Variants in DLGAP2 observed in about 807,000 individuals in gnomAD.
The protein encoded by DLGAP2 is disks large-associated protein 2.
DLGAP2 carries 26 observed loss-of-function variants against 100.3 expected under a neutral mutation model. The observed-to-expected ratio is 0.26, with a 90% CI of 0.19 to 0.36. DLGAP2 has a LOEUF of 0.36. Among genes scored for constraint, DLGAP2 ranks in the 10% least tolerant of loss-of-function variants. The probability of loss-of-function intolerance (pLI) is 1.00; values close to 1 mark genes in which losing one functional copy is unlikely to be tolerated. For missense variants in DLGAP2, 1,858 were observed against 1,453.2 expected (o/e 1.28, Z -4.53); for synonymous variants, 886 against 630.1 (o/e 1.41, Z -6.08).
At chr8:1,179,353 TGG>T in intron 2 of DLGAP2, among the ~76,000 whole-genome samples, 1 of 152,136 alleles carries the variant, frequency 6.6e-6, no homozygotes, top group East Asian at 1.9e-4. Context: ...GCTGAGGCTG[TGG>T]GTGGAGGGAG....
chr8:797,678 G>T (rs989371180), intron 1 of DLGAP2, among the ~76,000 whole-genome samples: 3 of 152,192 alleles, frequency 2.0e-5, no homozygotes, highest in Non-Finnish European at 4.4e-5. Flanking sequence ...ACCAGGCAGG[G>T]CTGGGAGCTC....
At chr8:1,071,018 A>G (rs963995240) in intron 2 of DLGAP2, among the ~76,000 whole-genome samples, 2 of 152,110 alleles carry the variant, frequency 1.3e-5, no homozygotes, top group Non-Finnish European at 2.9e-5. Flanking sequence ...GCTGTGGATG[A>G]GATTCAGCGC....
chr8:759,102 C>A (rs1585832261), intron 1 of DLGAP2, among the ~76,000 whole-genome samples: 1 of 100,696 alleles, frequency 9.9e-6, no homozygotes, highest in African/African-American at 3.1e-5. Context: ...GTTATCAATA[C>A]CCCCGACAGC....
At chr8:770,240 A>C (rs1356159704) in intron 1 of DLGAP2, among the ~76,000 whole-genome samples, 1 of 152,114 alleles carries the variant, frequency 6.6e-6, no homozygotes, top group Non-Finnish European at 1.5e-5. Flanking sequence ...TCATCTCGTC[A>C]GGGGTGAGGG....
At chr8:1,434,837 C>T (rs947722688) in intron 3 of DLGAP2, among the ~76,000 whole-genome samples, 12 of 152,136 alleles carry the variant, frequency 7.9e-5, no homozygotes, top group Non-Finnish European at 1.5e-5. Flanking sequence ...ATTATCGTTC[C>T]TTCCTCCTCC....
At chr8:930,955 C>A (rs1798942698) in intron 2 of DLGAP2, among the ~76,000 whole-genome samples, 1 of 152,158 alleles carries the variant, frequency 6.6e-6, no homozygotes, top group Non-Finnish European at 1.5e-5. Context: ...AGGGGAAGGG[C>A]AGAGGTTTGG....
At chr8:902,019 C>T (rs1348849529) in intron 1 of DLGAP2, among the ~76,000 whole-genome samples, 1 of 152,164 alleles carries the variant, frequency 6.6e-6, no homozygotes, top group Non-Finnish European at 1.5e-5. Context: ...GTCAGGGGAA[C>T]CCAGGGGGGT....
intron 2 of DLGAP2, among the ~76,000 whole-genome samples, chr8:946,498 T>A (rs188193723): frequency 2.6e-5 from 4 of 151,968 alleles, no homozygotes; most frequent in African/African-American, 9.7e-5. Context: ...CTCCTGACCT[T>A]GTGATCTGCC....
chr8:1,586,089 C>T (rs11989984), intron 6 of DLGAP2, among the ~76,000 whole-genome samples: 12,672 of 152,252 alleles, frequency 0.083, 967 homozygotes, highest in African/African-American at 0.2. Context: ...TAAAACAGGG[C>T]GTTTATCCTC....
chr8:1,293,991 C>T (rs1008680588), intron 3 of DLGAP2, among the ~76,000 whole-genome samples: 5 of 152,188 alleles, frequency 3.3e-5, no homozygotes, highest in East Asian at 1.9e-4. Context: ...CAGCCTTTCC[C>T]GGGGTCTCGG....
At chr8:990,068 A>C (rs1350585018) in intron 2 of DLGAP2, among the ~76,000 whole-genome samples, 2 of 151,844 alleles carry the variant, frequency 1.3e-5, no homozygotes, top group Non-Finnish European at 2.9e-5. Flanking sequence ...ACTGCTTCCC[A>C]CTGTAGAATT....
chr8:1,001,440 C>T lies in DLGAP2; in HGVS notation c.73+93474C>T, dbSNP rs533068162. On this transcript the variant is annotated intron_variant, in intron 2 of 14. Transcript: ENST00000637795. ...AAAGTAATATTTATAATCTCTCAAACTTTTCATCTAGAAAATGTTTTTGTG... is the reference window on the plus strand; with the variant it reads ...AAAGTAATATTTATAATCTCTCAAATTTTTCATCTAGAAAATGTTTTTGTG... Among the ~76,000 whole-genome samples the T allele has an allele frequency of 2.0e-5, 3 of 152,272 alleles. No homozygotes were observed. In the East Asian group the frequency reaches 5.8e-4, roughly 29 times the overall value.
At chr8:1,454,279 C>T (rs1798244025) in intron 3 of DLGAP2, among the ~76,000 whole-genome samples, 1 of 152,216 alleles carries the variant, frequency 6.6e-6, no homozygotes, top group Non-Finnish European at 1.5e-5. Context: ...CCGAGTTCCA[C>T]TGCCAGCTTT....
chr8:883,670 C>T (rs1246054403), intron 1 of DLGAP2, among the ~76,000 whole-genome samples: 1 of 151,428 alleles, frequency 6.6e-6, no homozygotes, highest in East Asian at 2.0e-4. Context: ...CGTAGGTGCG[C>T]GTGTGCCGCG....
chr8:754,559 A>AAC (rs1820873758), intron 1 of DLGAP2, among the ~76,000 whole-genome samples: 1 of 152,242 alleles, frequency 6.6e-6, no homozygotes, highest in Non-Finnish European at 1.5e-5. Flanking sequence ...TAGGGATTGA[A>AAC]AAGCAGTGTG....
chr8:1,067,527 C>T (rs537618705), intron 2 of DLGAP2, among the ~76,000 whole-genome samples: 3 of 152,060 alleles, frequency 2.0e-5, no homozygotes, highest in African/African-American at 2.4e-5. Flanking sequence ...GGGCTATGCC[C>T]GGCCCACGCA....
chr8:1,084,848 G>A (rs2129040281), intron 2 of DLGAP2, among the ~76,000 whole-genome samples: 1 of 152,270 alleles, frequency 6.6e-6, no homozygotes, highest in Non-Finnish European at 1.5e-5. Flanking sequence ...GGGAGTGCAG[G>A]CATCTCCACA....
At chr8:1,110,645 A>AG (rs574476157) in intron 2 of DLGAP2, among the ~76,000 whole-genome samples, 7 of 151,496 alleles carry the variant, frequency 4.6e-5, no homozygotes, top group Non-Finnish European at 8.8e-5. Context: ...CCCTGAAATT[A>AG]GGGGAAAACA....
At chr8:778,949 A>T (rs370376837) in intron 1 of DLGAP2, among the ~76,000 whole-genome samples, 1 of 152,046 alleles carries the variant, frequency 6.6e-6, no homozygotes, top group Non-Finnish European at 1.5e-5. Context: ...CCTCGCTGCC[A>T]CCTTGCAGTT....
Sources: allele counts gnomAD v4.1 joint callset (sites outside exome capture counted in the v4.1 genomes callset), GRCh38; gene constraint gnomAD v4.1.1; transcripts MANE v1.5; gene names NCBI Gene and HGNC (gene_info 2026-07-23, HGNC 2026-07-21).